The following PDE2A variants were observed in gnomAD, a reference collection of about 807,000 sequenced individuals.
PDE2A encodes cGMP-dependent 3',5'-cyclic phosphodiesterase.
In PDE2A, 53 loss-of-function variants were observed where a neutral mutation model predicts 133.6. The observed-to-expected ratio is 0.40, with a 90% confidence interval of 0.32 to 0.50. The LOEUF is 0.50. PDE2A is among the 20% of genes least tolerant of loss of function. The probability of loss-of-function intolerance (pLI) is 0.73; values close to 1 mark genes in which losing one functional copy is unlikely to be tolerated. For synonymous variants in PDE2A, 491 were observed against 490.2 expected, an observed-to-expected ratio of 1.00 and a Z score of -0.02; for missense variants, 796 against 1,232.4, an observed-to-expected ratio of 0.65 and a Z score of 5.30.
chr11:72,673,781 G>A (rs950142391), intron 1 of PDE2A, among the ~76,000 whole-genome samples: 3 of 150,078 alleles, frequency 2.0e-5, no homozygotes, highest in African/African-American at 4.9e-5. Context: ...TTGCAGCCCC[G>A]AGAGCTCCTC....
intron 1 of PDE2A, chr11:72,669,079 A>G (rs1307892661): frequency 1.1e-5 from 6 of 543,668 alleles, no homozygotes; most frequent in African/African-American, 2.1e-5. Context: ...TCATCCTGCC[A>G]AGAAAGGATA....
chr11:72,579,731 G>C (rs1340716841), intron 25 of PDE2A, 123 bp from the exon 26 acceptor site: 13 of 661,900 alleles, frequency 2.0e-5, no homozygotes, highest in Non-Finnish European at 3.1e-5. Flanking sequence ...CAGTCAGAAA[G>C]GGGGAGTCAG....
chr11:72,647,648 C>T (rs1859166619), intron 1 of PDE2A, among the ~76,000 whole-genome samples: 1 of 152,250 alleles, frequency 6.6e-6, no homozygotes, highest in South Asian at 2.1e-4. Context: ...CAAGATGCTT[C>T]CTGGAAGAAA....
chr11:72,585,523 C>A, intron 15 of PDE2A, 31 bp downstream of exon 15: 1 of 1,613,744 alleles, frequency 6.2e-7, no homozygotes, highest in Non-Finnish European at 8.5e-7. Context: ...CATGCCCACA[C>A]ACAGCCAGGC....
chr11:72,581,276 C>T (rs1855712849), intron 23 of PDE2A, 81 bp downstream of exon 23: 3 of 1,434,452 alleles, frequency 2.1e-6, no homozygotes, highest in Non-Finnish European at 1.9e-6. Context: ...GTGTAAAGTG[C>T]CTGACACACA....
intron 2 of PDE2A, among the ~76,000 whole-genome samples, chr11:72,618,763 G>C (rs1449629134): frequency 2.0e-5 from 3 of 152,162 alleles, no homozygotes; most frequent in Admixed American, 1.3e-4. Flanking sequence ...GGGCCTACGA[G>C]CCCATGGGAC....
At chr11:72,654,307 T>C (rs1854832099) in intron 1 of PDE2A, among the ~76,000 whole-genome samples, 1 of 152,188 alleles carries the variant, frequency 6.6e-6, no homozygotes, top group African/African-American at 2.4e-5. Flanking sequence ...ACATCTCATT[T>C]AACCCTCACC....
intron 6 of PDE2A, among the ~76,000 whole-genome samples, chr11:72,593,816 C>T (rs1411223858): frequency 2.0e-5 from 3 of 152,262 alleles, no homozygotes; most frequent in African/African-American, 2.4e-5. Context: ...CTGATGGCGT[C>T]GCCACTGGAC....
At chr11:72,579,507 T>TCCCCCCCCCCCCCCC in intron 26 of PDE2A, 27 bp downstream of exon 26, 2 of 1,354,164 alleles carry the variant, frequency 1.5e-6, no homozygotes, top group Non-Finnish European at 1.0e-6. Context: ...TCCCCCTCAA[T>TCCCCCCCCCCCCCCC]CCCCACCCCA....
intron 2 of PDE2A, among the ~76,000 whole-genome samples, chr11:72,617,258 G>A (rs1181241094): frequency 6.6e-6 from 1 of 152,244 alleles, no homozygotes. Context: ...CTGGCCTAGG[G>A]TTAGTGTGGG....
chr11:72,617,953 C>T (rs908461542), intron 2 of PDE2A, among the ~76,000 whole-genome samples: 5 of 152,264 alleles, frequency 3.3e-5, no homozygotes, highest in Admixed American at 1.3e-4. Flanking sequence ...GTCTGGGGCA[C>T]GCCTGCCCTC....
chr11:72,633,288 C>A (rs187928132), intron 2 of PDE2A, among the ~76,000 whole-genome samples: 12 of 152,190 alleles, frequency 7.9e-5, no homozygotes, highest in African/African-American at 2.9e-4. Context: ...CACCGCCTCC[C>A]CATTGTCCCA....
chr11:72,645,884 A>G (rs1010595809), intron 1 of PDE2A, among the ~76,000 whole-genome samples: 19 of 152,254 alleles, frequency 1.2e-4, no homozygotes, highest in Non-Finnish European at 2.8e-4. Context: ...AGGAAAACTC[A>G]GGCACAAAGT....
At chr11:72,635,194 C>A (rs1858619848) in intron 2 of PDE2A, among the ~76,000 whole-genome samples, 1 of 152,168 alleles carries the variant, frequency 6.6e-6, no homozygotes, top group African/African-American at 2.4e-5. Flanking sequence ...GTACACACAC[C>A]AGTTCTGTTG....
At chr11:72,645,881 C>T (rs1412619850) in intron 1 of PDE2A, among the ~76,000 whole-genome samples, 1 of 152,240 alleles carries the variant, frequency 6.6e-6, no homozygotes, top group African/African-American at 2.4e-5. Flanking sequence ...ATAAGGAAAA[C>T]TCAGGCACAA....
chr11:72,582,643 G>C, intron 20 of PDE2A, 77 bp from the exon 21 acceptor site: 1 of 1,434,264 alleles, frequency 7.0e-7, no homozygotes, highest in Non-Finnish European at 9.5e-7. Context: ...TCCCATGGCA[G>C]GTGGGGGATC....
chr11:72,636,087 C>T (rs1446826783), intron 2 of PDE2A: 30 of 1,245,174 alleles, frequency 2.4e-5, no homozygotes, highest in Non-Finnish European at 3.0e-5. Context: ...GGGTGGGAGA[C>T]AGGAAAGGCA....
chr11:72,589,022 G>T, intron 12 of PDE2A, 108 bp from the exon 13 acceptor site: 1 of 1,311,222 alleles, frequency 7.6e-7, no homozygotes, highest in Non-Finnish European at 1.1e-6. Flanking sequence ...CTCATGCAAG[G>T]CTGGAAGCTC....
intron 6 of PDE2A, 71 bp from the exon 7 acceptor site, chr11:72,591,427 A>C: frequency 8.6e-7 from 1 of 1,163,926 alleles, no homozygotes; most frequent in Admixed American, 1.7e-5. Context: ...TGCCCTCCCC[A>C]TGCGCAGCAC....
Sources: allele counts gnomAD v4.1 joint callset (sites outside exome capture counted in the v4.1 genomes callset), GRCh38; gene constraint gnomAD v4.1.1; transcripts MANE v1.5; gene names NCBI Gene and HGNC (gene_info 2026-07-23, HGNC 2026-07-21).